The following RAB11FIP3 variants were observed in gnomAD, a reference collection of about 807,000 sequenced individuals.
The protein encoded by RAB11FIP3 is RAB11 family interacting protein 3, also known as rab11 family-interacting protein 3.
RAB11FIP3 carries 17 observed loss-of-function variants against 77.8 expected under a neutral mutation model. The observed-to-expected ratio is 0.22, with a 90% CI of 0.15 to 0.33. The LOEUF (loss-of-function observed/expected upper bound fraction) is 0.33, where lower values mean the gene tolerates loss of function less well. Among genes scored for constraint, RAB11FIP3 ranks in the 10% least tolerant of loss-of-function variants. The pLI is 1.00. For synonymous variants in RAB11FIP3, 437 were observed against 448.2 expected, an observed-to-expected ratio of 0.98 and a Z score of 0.31; for missense variants, 1,005 against 1,011.2, an observed-to-expected ratio of 0.99 and a Z score of 0.08.
chr16:483,145 T>C (rs1051568754), intron 4 of RAB11FIP3, among the ~76,000 whole-genome samples: 4 of 152,108 alleles, frequency 2.6e-5, no homozygotes, highest in Non-Finnish European at 4.4e-5. Context: ...TCGAGCTAGT[T>C]GGGGCCGGAG....
chr16:443,123 A>T (rs890730366), intron 1 of RAB11FIP3, among the ~76,000 whole-genome samples: 2 of 152,088 alleles, frequency 1.3e-5, no homozygotes, highest in Non-Finnish European at 2.9e-5. Flanking sequence ...CAGCCCTGTG[A>T]TGCATTTTAA....
chr16:465,276 C>G (rs2055682644), intron 2 of RAB11FIP3, among the ~76,000 whole-genome samples: 1 of 152,024 alleles, frequency 6.6e-6, no homozygotes, highest in Admixed American at 6.6e-5. Flanking sequence ...TCGGAGAGGC[C>G]TCAGTGTTTG....
Position 461,273 on chromosome 16 carries a change from C to A in RAB11FIP3, c.715-131C>A. ...CAGGAGGGGAGCTCAGGCGGTAATG[C>A]TCCCTCACCTCCTGCTGTGCTTCCC... On this transcript the variant is annotated intron_variant, in intron 1 of 13. Transcript: ENST00000262305. The surrounding 1 kb of genome is among the most constrained non-coding windows in gnomAD (Gnocchi z 4.5). 1 of 624,328 alleles carries A rather than the reference C, an allele frequency of 1.6e-6. No homozygotes were observed. The highest frequency in any genetic ancestry group is 2.8e-6 in the Non-Finnish European group (1 of 358,494). 38.7% of individuals were successfully genotyped at this position (624,328 alleles called of 1,614,324 possible).
chr16:474,376 C>T (rs573702516), intron 3 of RAB11FIP3, among the ~76,000 whole-genome samples: 96 of 152,260 alleles, frequency 6.3e-4, no homozygotes, highest in African/African-American at 2.2e-3. Context: ...CTGGCTCGCA[C>T]TGTTTTCCCA....
At chr16:487,524 C>T (rs1016215979) in intron 4 of RAB11FIP3, among the ~76,000 whole-genome samples, 16 of 152,190 alleles carry the variant, frequency 1.1e-4, no homozygotes, top group African/African-American at 3.6e-4. Flanking sequence ...GAACTCCTCA[C>T]GGCTGAGCAC....
chr16:515,434 C>T (rs955431972), intron 9 of RAB11FIP3, among the ~76,000 whole-genome samples: 1 of 152,224 alleles, frequency 6.6e-6, no homozygotes, highest in Non-Finnish European at 1.5e-5. Context: ...AAACAACACC[C>T]TGCGCCAGCA....
intron 1 of RAB11FIP3, among the ~76,000 whole-genome samples, chr16:432,503 A>G (rs2141841940): frequency 6.6e-6 from 1 of 152,206 alleles, no homozygotes; most frequent in East Asian, 1.9e-4. Context: ...TAATATGTAA[A>G]TTAAAATGTA....
intron 5 of RAB11FIP3, chr16:491,068 G>C (rs113107669): frequency 1.6e-6 from 2 of 1,248,262 alleles, no homozygotes; most frequent in East Asian, 1.2e-4. Context: ...TCGGCCCCTC[G>C]TGCGGAGTCA....
Position 461,082 on chromosome 16 carries a change from C to T in RAB11FIP3, c.715-322C>T, listed in dbSNP as rs968527247. 1.3e-5 allele frequency among the ~76,000 whole-genome samples: 2 copies of T among 152,084 alleles called. No homozygotes were observed. Among genetic ancestry groups the T allele is most frequent in the Admixed American group, 1.3e-4 (2 of 15,282 alleles). ...CCAGGGATTGGTTTCATAGAAGACGCCTTTCCACAGACGGGCAGGGCGTTG... is the reference window on the plus strand; with the variant it reads ...CCAGGGATTGGTTTCATAGAAGACGTCTTTCCACAGACGGGCAGGGCGTTG... On this transcript the variant is annotated intron_variant, in intron 1 of 13. Coordinates refer to ENST00000262305, the MANE Select transcript of RAB11FIP3 (RefSeq NM_014700.4). This position sits in a 1 kb window ranked among gnomAD's most constrained non-coding sequence, Gnocchi z 4.5.
At position 439,768 on chromosome 16, in the gene RAB11FIP3, A is replaced by C. The variant is rs541912250; in HGVS notation, c.714+13048A>C. ...CATTGGTTCATTCTGGAAAGGTGGG[A>C]CAACTCCAAGCAAAGGCAGGAAGAC... On this transcript the variant is annotated intron_variant, in intron 1 of 13. Coordinates refer to ENST00000262305, the MANE Select transcript of RAB11FIP3 (RefSeq NM_014700.4). 1.3e-4 allele frequency among the ~76,000 whole-genome samples: 20 copies of C among 152,232 alleles called. No individual in the cohort carries two copies. In the South Asian group the frequency reaches 3.7e-3, roughly 28 times the overall value.
intron 1 of RAB11FIP3, among the ~76,000 whole-genome samples, chr16:448,775 C>T (rs1410982740): frequency 1.4e-5 from 2 of 148,130 alleles, no homozygotes; most frequent in African/African-American, 2.5e-5. Context: ...ATTAGCCGGG[C>T]GTGGTGGTGC....
At chr16:446,994 C>T (rs551717977) in intron 1 of RAB11FIP3, among the ~76,000 whole-genome samples, 42 of 151,800 alleles carry the variant, frequency 2.8e-4, no homozygotes, top group East Asian at 2.2e-3. Context: ...CCACCATGCC[C>T]GGCTTTAAAA....
In RAB11FIP3 at chr16:462,696, C is replaced by T. The variant is rs1410928070; in HGVS notation, c.808+1199C>T. 6.8e-5 allele frequency among the ~76,000 whole-genome samples: 5 copies of T among 73,396 alleles called. No homozygotes were observed. In the East Asian group the frequency reaches 1.6e-3, roughly 24 times the overall value. The allele number at this position is 73,396 out of a possible 152,430, so 48.2% of individuals were successfully genotyped here. A position where few individuals can be genotyped will look rare whatever the true frequency, so the allele number is the denominator to read the frequency against. On this transcript the variant is annotated intron_variant, in intron 2 of 13. Transcript: ENST00000262305. ...TCCCCGGCACCGTCCCTTCCCCAGT[C>T]CCCCGGCACCGTCCCTTCCCCAGTC... is the stretch of plus-strand genomic sequence containing the variant.
At chr16:463,965 G>A (rs531624438) in intron 2 of RAB11FIP3, among the ~76,000 whole-genome samples, 20 of 152,196 alleles carry the variant, frequency 1.3e-4, no homozygotes, top group Non-Finnish European at 2.4e-4. Flanking sequence ...TCTCTGAGGA[G>A]GGGTGGAGGG....
rs145142053 is a variant in RAB11FIP3, at chr16:435,373, A to G, written c.714+8653A>G. ...TTTGTTTAAATTCTGGAAACATTCA[A>G]TGTAAACATTAGTTATATCAGACAA... On this transcript the variant is annotated intron_variant, in intron 1 of 13. Coordinates refer to ENST00000262305, the MANE Select transcript of RAB11FIP3 (RefSeq NM_014700.4). Among the ~76,000 whole-genome samples the G allele has an allele frequency of 8.3e-3, 1,257 of 152,322 alleles. 18 individuals carry two copies. The highest frequency in any genetic ancestry group is 0.029 in the African/African-American group (1,188 of 41,552).
chr16:435,220 A>C lies in RAB11FIP3; in HGVS notation c.714+8500A>C, dbSNP rs546991386. Among the ~76,000 whole-genome samples, 373 of 152,060 alleles carry C rather than the reference A, an allele frequency of 2.5e-3. 2 individuals carry two copies. The highest frequency in any genetic ancestry group is 8.8e-3 in the African/African-American group (365 of 41,486). The stretch of plus-strand genomic sequence containing the variant: ...ACTCCGTCTCAAAAAAAAAAAAAAA[A>C]AGTTAAGGACTATTCTGGTTCCAGT... On this transcript the variant is annotated intron_variant, in intron 1 of 13. Coordinates refer to ENST00000262305, the MANE Select transcript of RAB11FIP3 (RefSeq NM_014700.4).
intron 5 of RAB11FIP3, among the ~76,000 whole-genome samples, chr16:496,344 C>T (rs960057215): frequency 2.6e-5 from 4 of 152,242 alleles, no homozygotes; most frequent in Non-Finnish European, 2.9e-5. Context: ...GAAATGGCAA[C>T]GGGAAAGGTT....
chr16:508,031 TTTC>T (rs1461078104), intron 8 of RAB11FIP3, among the ~76,000 whole-genome samples: 1 of 152,240 alleles, frequency 6.6e-6, no homozygotes, highest in African/African-American at 2.4e-5. Context: ...GGTCCCACGT[TTTC>T]TTCTGTTTTG....
chr16:459,650 T>A (rs2055569708), intron 1 of RAB11FIP3, among the ~76,000 whole-genome samples: 1 of 151,970 alleles, frequency 6.6e-6, no homozygotes, highest in Admixed American at 6.6e-5. Flanking sequence ...TTGGCCAGGC[T>A]GGTCTGGAAC....
Sources: gnomAD v4.1 joint callset for allele counts (sites outside exome capture counted in the v4.1 genomes callset) on GRCh38, gnomAD v4.1.1 for gene constraint, Gnocchi (gnomAD v3.1) non-coding constraint, MANE v1.5 for transcripts, NCBI Gene and HGNC (gene_info 2026-07-23, HGNC 2026-07-21) for gene names.